Variants in SUGP2 observed in about 807,000 individuals in gnomAD.
SUGP2 encodes SURP and G-patch domain containing 2.
Under a neutral mutation model 90.5 loss-of-function variants are expected in SUGP2, and 24 were observed. That is an observed-to-expected ratio of 0.27 (90% CI 0.19 to 0.37). The LOEUF (loss-of-function observed/expected upper bound fraction) is 0.37, where lower values mean the gene tolerates loss of function less well. Among genes scored for constraint, SUGP2 ranks in the 10% least tolerant of loss-of-function variants. The probability of loss-of-function intolerance (pLI) is 1.00; values close to 1 mark genes in which losing one functional copy is unlikely to be tolerated. For synonymous variants in SUGP2, 473 were observed against 513.4 expected, an observed-to-expected ratio of 0.92 and a Z score of 1.06; for missense variants, 1,233 against 1,363.3, an observed-to-expected ratio of 0.90 and a Z score of 1.51.
intron 7 of SUGP2, among the ~76,000 whole-genome samples, chr19:19,002,977 AT>A (rs896615640): frequency 1.3e-5 from 2 of 148,966 alleles, no homozygotes; most frequent in South Asian, 4.3e-4. Context: ...TTTTACATTA[AT>A]TTTTTTTTCT....
At chr19:19,021,159 CAAA>C (rs386388689) in intron 3 of SUGP2, among the ~76,000 whole-genome samples, 719 of 66,940 alleles carry the variant, frequency 0.011, 4 homozygotes, top group African/African-American at 0.043. Context: ...AATTCCATCT[CAAA>C]AAAAAAAAAA....
chr19:19,010,025 G>C lies in SUGP2; in HGVS notation c.2168C>G (p.Ala723Gly), dbSNP rs764322205. ...ATTTCTGTCTGGCAGGGATGGTTTTGCCTGTGAGAGGCCTGGAGCCTGCCG... is the reference window on the plus strand; with the variant it reads ...ATTTCTGTCTGGCAGGGATGGTTTTCCCTGTGAGAGGCCTGGAGCCTGCCG... ...HGRQAPGLSQ[A>G]KPSLPDRNDA... Residue 723 changes from alanine to glycine, a missense_variant, in exon 5 of 11, where the codon GCA (alanine) becomes GGA (glycine). By Grantham distance (60) the Ala-to-Gly change is moderately conservative (BLOSUM62 0). Around this residue, in one of 8 missense-constraint regions of SUGP2, gnomAD observed 540 missense variants for 542.6 expected, o/e 1.00. Coordinates refer to ENST00000452918, the MANE Select transcript of SUGP2 (RefSeq NM_001017392.5). The C allele has an allele frequency of 6.2e-7, 1 of 1,613,980 alleles. No individual in the cohort carries two copies. Among genetic ancestry groups the C allele is most frequent in the Non-Finnish European group, 8.5e-7 (1 of 1,180,034 alleles).
At chr19:19,033,823 A>C (rs1291178024), upstream of SUGP2, 1 of 267,304 alleles carries the variant, frequency 3.7e-6, no homozygotes. Context: ...GGCCAAGCCT[A>C]GGGGCGCCAC....
intron 8 of SUGP2, among the ~76,000 whole-genome samples, chr19:18,996,139 G>A (rs1016859663): frequency 2.6e-5 from 4 of 152,192 alleles, no homozygotes; most frequent in Non-Finnish European, 5.9e-5. Flanking sequence ...GCTCATGCCT[G>A]TAATCTCAGC....
At chr19:18,995,023 TAA>T (rs1195505644) in intron 9 of SUGP2, 119 bp downstream of exon 9, 1 of 1,332,676 alleles carries the variant, frequency 7.5e-7, no homozygotes, top group Admixed American at 2.0e-5. Context: ...GCCTTCTGTT[TAA>T]AAAACAAAAA....
chr19:18,996,801 C>T (rs1212025738), intron 8 of SUGP2, among the ~76,000 whole-genome samples: 1 of 152,196 alleles, frequency 6.6e-6, no homozygotes, highest in Non-Finnish European at 1.5e-5. Context: ...GCTGATCTGC[C>T]CGCCTCAGCC....
chr19:19,017,235 G>A (rs1207320020), intron 4 of SUGP2, among the ~76,000 whole-genome samples: 1 of 152,202 alleles, frequency 6.6e-6, no homozygotes, highest in Non-Finnish European at 1.5e-5. Flanking sequence ...CAGAGTAGCA[G>A]TGAGAAAGTC....
chr19:19,002,475 AT>A (rs928184738), intron 7 of SUGP2, among the ~76,000 whole-genome samples: 1 of 111,832 alleles, frequency 8.9e-6, no homozygotes, highest in Non-Finnish European at 1.9e-5. Context: ...ATTTTATTCT[AT>A]TTTTTATGAA....
In SUGP2 at chr19:19,019,133, A is replaced by G. The variant is rs1214031415; in HGVS notation, c.1826T>C (p.Leu609Pro). The G allele has an allele frequency of 6.2e-7, 1 of 1,614,066 alleles. No homozygotes were observed. The highest frequency in any genetic ancestry group is 2.2e-5 in the East Asian group (1 of 44,888). Residue 609 changes from leucine (L) to proline (P), a missense_variant, in exon 4 of 11, where the codon CTT (leucine) becomes CCT (proline). This residue lies in a region of SUGP2 where 540 missense variants were observed against 542.6 expected (regional missense o/e 1.00). Transcript: ENST00000452918. ...CCAGTAAGCAGGGTCCTCTTTGAGA[A>G]GAGTTCTCTCTTTGGGAGACAGGCT... ...EGSLSPKERT[L>P]LKEDPAYWFL...
intron 3 of SUGP2, among the ~76,000 whole-genome samples, chr19:19,021,680 T>C (rs1685564594): frequency 6.6e-6 from 1 of 152,066 alleles, no homozygotes; most frequent in Non-Finnish European, 1.5e-5. Context: ...ATTTTTTTTT[T>C]TTTTCTAGAT....
intron 2 of SUGP2, among the ~76,000 whole-genome samples, chr19:19,030,354 G>C (rs2059106791): frequency 6.6e-6 from 1 of 151,980 alleles, no homozygotes; most frequent in Non-Finnish European, 1.5e-5. Flanking sequence ...GCTGGGCGTG[G>C]TGGTGCATGC....
Position 18,999,782 on chromosome 19 carries a change from G to C in SUGP2, c.2991+1831C>G, listed in dbSNP as rs550670693. 1.3e-5 allele frequency among the ~76,000 whole-genome samples: 2 copies of C among 152,268 alleles called. 1 individual carries two copies. The highest frequency in any genetic ancestry group is 3.9e-4 in the East Asian group (2 of 5,182). On this transcript the variant is annotated intron_variant, in intron 8 of 10. Transcript: ENST00000452918. ...GTGAAGTCTCTCCACATGTGTCCCA[G>C]GTGACCCTGCTTGCCCCCAGCACTG...
In SUGP2 at chr19:19,001,593, C is replaced by T. The variant is rs2057835765; in HGVS notation, c.2991+20G>A. Reference sequence around the variant, plus strand: ...TAACCAACTATACTTTGAGTGAGGACTACCAATGATTACGCTCACCTTCTT... The same window carrying T: ...TAACCAACTATACTTTGAGTGAGGATTACCAATGATTACGCTCACCTTCTT... On this transcript the variant is annotated intron_variant, in intron 8 of 10. Transcript: ENST00000452918. The T allele has an allele frequency of 3.7e-6, 6 of 1,613,442 alleles. No homozygotes were observed. In the East Asian group the frequency reaches 1.3e-4, roughly 36 times the overall value.
chr19:19,010,400 T>C (rs2058265077), intron 4 of SUGP2, 58 bp from the exon 5 acceptor site: 10 of 1,573,414 alleles, frequency 6.4e-6, no homozygotes, highest in Admixed American at 1.7e-5. Context: ...GGTCCCAAAT[T>C]GTTCCTTCAA....
rs780813965 is a variant in SUGP2, at chr19:19,004,349, C to T, written c.2748G>A (p.Glu916=). 1.9e-6 allele frequency: 3 copies of T among 1,613,528 alleles called. No homozygotes were observed. In the East Asian group the frequency reaches 6.7e-5, roughly 36 times the overall value. The change falls in exon 7 of 11, where the codon GAG becomes GAA. Residue 916 remains glutamate, a synonymous_variant. Coordinates refer to ENST00000452918, the MANE Select transcript of SUGP2 (RefSeq NM_001017392.5). ...APAPGGAGKS[E]GSTPADGLPG... ...GAAGGCCGTCGGCAGGGGTGCTGCCCTCAGACTTGCCCGCCCCTCCAGGAG... is the reference window on the plus strand; with the variant it reads ...GAAGGCCGTCGGCAGGGGTGCTGCCTTCAGACTTGCCCGCCCCTCCAGGAG...
intron 4 of SUGP2, among the ~76,000 whole-genome samples, chr19:19,011,439 C>G (rs1264620195): frequency 6.6e-6 from 1 of 152,092 alleles, no homozygotes; most frequent in Non-Finnish European, 1.5e-5. Context: ...TGAGCCACTG[C>G]ACCTGGCCCA....
At chr19:19,031,433 C>T (rs1249078851) in intron 1 of SUGP2, among the ~76,000 whole-genome samples, 2 of 151,714 alleles carry the variant, frequency 1.3e-5, no homozygotes, top group Non-Finnish European at 2.9e-5. Flanking sequence ...ACTTGGGAGG[C>T]TGTGGCAAGA....
At chr19:19,017,991 C>G (rs995131190) in intron 4 of SUGP2, among the ~76,000 whole-genome samples, 1 of 151,342 alleles carries the variant, frequency 6.6e-6, no homozygotes, top group Non-Finnish European at 1.5e-5. Flanking sequence ...CGCCTGTAAT[C>G]CCAGCACTTT....
rs34540303 is a variant in SUGP2 at position 19,010,028 on chromosome 19, T to C, written c.2165A>G (p.Gln722Arg). 5.1e-3 allele frequency: 8,301 copies of C among 1,613,928 alleles called. 209 individuals are homozygous for C. The African/African-American group carries it at 0.068, about 13-fold the overall frequency. The change falls in exon 5 of 11, where the codon CAG becomes CGG. Residue 722 changes from glutamine to arginine, a missense_variant. Physicochemically the swap from Gln to Arg is conservative, Grantham distance 43. Coordinates refer to ENST00000452918, the MANE Select transcript of SUGP2 (RefSeq NM_001017392.5). Reference protein sequence around the residue: ...HHGRQAPGLSQAKPSLPDRND... With the variant: ...HHGRQAPGLSRAKPSLPDRND... Reference sequence around the variant, plus strand: ...TCTGTCTGGCAGGGATGGTTTTGCCTGTGAGAGGCCTGGAGCCTGCCGGCC... The same window carrying C: ...TCTGTCTGGCAGGGATGGTTTTGCCCGTGAGAGGCCTGGAGCCTGCCGGCC...
Sources: gnomAD v4.1 joint callset for allele counts (sites outside exome capture counted in the v4.1 genomes callset) on GRCh38, gnomAD v4.1.1 for gene constraint, gnomAD v4.1.1 regional missense constraint, MANE v1.5 for transcripts, NCBI Gene and HGNC (gene_info 2026-07-23, HGNC 2026-07-21) for gene names.